The following RYR3 variants were observed in gnomAD, a reference collection of about 807,000 sequenced individuals.
The protein encoded by RYR3 is ryanodine receptor 3.
RYR3 carries 207 observed loss-of-function variants against 584.3 expected under a neutral mutation model. The ratio of observed to expected loss-of-function variants is 0.35; its 90% confidence interval spans 0.32 to 0.40. The LOEUF (loss-of-function observed/expected upper bound fraction) is 0.40, where lower values mean the gene tolerates loss of function less well. Ranked by LOEUF, RYR3 falls within the 10% of genes least tolerant of loss-of-function variation. RYR3 has a pLI of 1.00. For missense variants in RYR3, 5,616 were observed against 6,089.2 expected (o/e 0.92, Z 2.59); for synonymous variants, 2,416 against 2,248.5 (o/e 1.07, Z -2.11).
At chr15:33,740,421 C>T (rs1596377837) in intron 51 of RYR3, among the ~76,000 whole-genome samples, 1 of 152,106 alleles carries the variant, frequency 6.6e-6, no homozygotes, top group Non-Finnish European at 1.5e-5. Flanking sequence ...GGCAAGGCTG[C>T]GGTGTGATGG....
intron 50 of RYR3, among the ~76,000 whole-genome samples, chr15:33,739,404 A>G (rs1268603835): frequency 6.6e-6 from 1 of 152,170 alleles, no homozygotes; most frequent in Non-Finnish European, 1.5e-5. Context: ...GATGATGTCA[A>G]CATATGACCC....
At chr15:33,667,482 A>G (rs2063548928) in intron 36 of RYR3, among the ~76,000 whole-genome samples, 2 of 152,180 alleles carry the variant, frequency 1.3e-5, no homozygotes, top group African/African-American at 4.8e-5. Context: ...GTCACATTAC[A>G]GTGGTTACGG....
At chr15:33,432,668 T>TGTG (rs113646851) in intron 1 of RYR3, among the ~76,000 whole-genome samples, 36 of 132,198 alleles carry the variant, frequency 2.7e-4, no homozygotes, top group African/African-American at 9.8e-4. Flanking sequence ...GCCTAGCTAA[T>TGTG]TGTGTGTGTG....
intron 51 of RYR3, among the ~76,000 whole-genome samples, chr15:33,740,948 T>C (rs577559535): frequency 6.6e-6 from 1 of 152,334 alleles, no homozygotes; most frequent in Non-Finnish European, 1.5e-5. Flanking sequence ...AGAAGCATGG[T>C]GAACCATCAA....
chr15:33,768,554 CTG>C (rs1330081169), intron 60 of RYR3, 102 bp from the exon 61 acceptor site: 24 of 976,210 alleles, frequency 2.5e-5, no homozygotes, highest in South Asian at 1.2e-4. Context: ...GAATGCCACT[CTG>C]TGCTCTCTGT....
intron 62 of RYR3, 116 bp from the exon 63 acceptor site, chr15:33,771,804 T>C (rs1412711876): frequency 2.9e-6 from 2 of 690,190 alleles, no homozygotes; most frequent in Non-Finnish European, 2.6e-6. Flanking sequence ...CCTGACACAG[T>C]GTCATTGAGT....
intron 3 of RYR3, among the ~76,000 whole-genome samples, chr15:33,518,369 A>G (rs984825318): frequency 2.6e-5 from 4 of 152,202 alleles, no homozygotes; most frequent in Admixed American, 6.5e-5. Context: ...GGAGGAGGCA[A>G]ACATCAACAC....
At chr15:33,691,039 T>C (rs538015981) in intron 38 of RYR3, among the ~76,000 whole-genome samples, 1 of 152,170 alleles carries the variant, frequency 6.6e-6, no homozygotes, top group East Asian at 1.9e-4. Flanking sequence ...AAATACATAA[T>C]TGGAAGGGTA....
In RYR3 at chr15:33,757,480, C is replaced by T; in HGVS notation, c.8589C>T (p.Leu2863=). 1 of 1,606,036 alleles carries T rather than the reference C, an allele frequency of 6.2e-7. No homozygotes were observed. The highest frequency in any genetic ancestry group is 8.5e-7 in the Non-Finnish European group (1 of 1,176,502). Residue 2863 remains leucine, a synonymous_variant, in exon 60 of 104, where the codon CTC becomes CTT. Coordinates refer to ENST00000634891, the MANE Select transcript of RYR3 (RefSeq NM_001036.6). ...DQEIKFFAKV[L]LPLVDQYFTS... ...ATTTCTGGTGCGTTTCCCAGGTTCTCCTCCCGCTGGTTGACCAGTACTTCA... is the reference window on the plus strand; with the variant it reads ...ATTTCTGGTGCGTTTCCCAGGTTCTTCTCCCGCTGGTTGACCAGTACTTCA...
intron 60 of RYR3, among the ~76,000 whole-genome samples, chr15:33,765,337 GA>G (rs2072922074): frequency 6.6e-6 from 1 of 151,834 alleles, no homozygotes; most frequent in African/African-American, 2.4e-5. Flanking sequence ...AGACCCTAAT[GA>G]AAATAGTTAG....
chr15:33,831,439 C>T (rs2077669559), intron 86 of RYR3, among the ~76,000 whole-genome samples: 1 of 152,166 alleles, frequency 6.6e-6, no homozygotes, highest in Admixed American at 6.5e-5. Flanking sequence ...GTTCAGTAAG[C>T]ATGGAGAGTG....
At position 33,857,884 on chromosome 15, in the gene RYR3, G is replaced by A. The variant is rs2079860253; in HGVS notation, c.14112G>A (p.Glu4704=). 1.9e-6 allele frequency: 3 copies of A among 1,614,154 alleles called. No homozygotes were observed. Among genetic ancestry groups the A allele is most frequent in the East Asian group, 2.2e-5 (1 of 44,886 alleles). Residue 4704 remains glutamate (E), a synonymous_variant, in exon 99 of 104, where the codon GAG becomes GAA. Coordinates refer to ENST00000634891, the MANE Select transcript of RYR3 (RefSeq NM_001036.6). ...ACAACAAAAGCGAAGACGATGACGA[G>A]CCCGATATGAAGTGCGACGACATGA... ...KFYNKSEDDD[E]PDMKCDDMMT...
intron 86 of RYR3, 23 bp downstream of exon 86, chr15:33,831,114 T>G: frequency 6.2e-7 from 1 of 1,606,796 alleles, no homozygotes; most frequent in Non-Finnish European, 8.5e-7. Flanking sequence ...GAGTGCATGG[T>G]TGAAAACAAA....
At chr15:33,637,409 T>C (rs1417173651) in intron 27 of RYR3, among the ~76,000 whole-genome samples, 1 of 152,274 alleles carries the variant, frequency 6.6e-6, no homozygotes, top group Non-Finnish European at 1.5e-5. Flanking sequence ...CCCTTATGCC[T>C]GGTGCTTTGC....
At chr15:33,313,698 C>T (rs916075053) in intron 1 of RYR3, among the ~76,000 whole-genome samples, 23 of 152,192 alleles carry the variant, frequency 1.5e-4, no homozygotes, top group African/African-American at 5.5e-4. Context: ...AATGCTTCCT[C>T]ACATCGACAT....
At chr15:33,469,550 A>T (rs545424347) in intron 1 of RYR3, among the ~76,000 whole-genome samples, 2 of 151,838 alleles carry the variant, frequency 1.3e-5, no homozygotes, top group Non-Finnish European at 2.9e-5. Flanking sequence ...GAGATACGAG[A>T]TAATGATGTG....
At chr15:33,393,364 G>A (rs931045657) in intron 1 of RYR3, among the ~76,000 whole-genome samples, 4 of 152,156 alleles carry the variant, frequency 2.6e-5, no homozygotes, top group Non-Finnish European at 2.9e-5. Flanking sequence ...TCCCCTCAGT[G>A]TAGTGGTTAT....
At chr15:33,596,495 T>TTGG (rs1460718397) in intron 16 of RYR3, among the ~76,000 whole-genome samples, 3 of 133,906 alleles carry the variant, frequency 2.2e-5, no homozygotes, top group South Asian at 4.8e-4. Flanking sequence ...GTTCTTTTTT[T>TTGG]GGGGGGGGGG....
At chr15:33,548,076 C>T (rs1351945047) in intron 8 of RYR3, 54 bp from the exon 9 acceptor site, 12 of 1,312,646 alleles carry the variant, frequency 9.1e-6, no homozygotes, top group South Asian at 3.7e-5. Context: ...GTTCTTCACC[C>T]GGGTGCTGAT....
Sources: allele counts gnomAD v4.1 joint callset (sites outside exome capture counted in the v4.1 genomes callset), GRCh38; gene constraint gnomAD v4.1.1; transcripts MANE v1.5; gene names NCBI Gene and HGNC (gene_info 2026-07-23, HGNC 2026-07-21).